The following MICU3 variants were observed in gnomAD, a reference collection of about 807,000 sequenced individuals.
The protein encoded by MICU3 is calcium uptake protein 3, mitochondrial.
Under a neutral mutation model 66.5 loss-of-function variants are expected in MICU3, and 62 were observed. That is an observed-to-expected ratio of 0.93 (90% CI 0.76 to 1.15). The LOEUF is 1.15. MICU3 is among the 50% of genes most tolerant of loss of function. MICU3 has a pLI of 0.00. For synonymous variants in MICU3, 308 were observed against 240.7 expected (o/e 1.28, Z -2.59); for missense variants, 779 against 664.4 (o/e 1.17, Z -1.90).
intron 1 of MICU3, among the ~76,000 whole-genome samples, chr8:17,031,295 A>ATTATTG (rs1812020054): frequency 1.4e-5 from 2 of 147,906 alleles, no homozygotes. Flanking sequence ...TATTATTATT[A>ATTATTG]TTATTATTTT....
At position 17,100,159 on chromosome 8, in the gene MICU3, C is replaced by T. The variant is rs536349107; in HGVS notation, c.984+1606C>T. Among the ~76,000 whole-genome samples the T allele has an allele frequency of 7.9e-5, 12 of 151,568 alleles. No homozygotes were observed. The South Asian group carries it at 1.7e-3, about 21-fold the overall frequency. On this transcript the variant is annotated intron_variant, in intron 9 of 14. Coordinates refer to ENST00000318063, the MANE Select transcript of MICU3 (RefSeq NM_181723.3). The stretch of plus-strand genomic sequence containing the variant: ...ACCCCCTTTGTTACTTGAAAGTGGC[C>T]GTGATAGGAGTATGAATACCACAGA...
intron 1 of MICU3, among the ~76,000 whole-genome samples, chr8:17,039,088 A>T (rs1447139632): frequency 4.6e-5 from 7 of 152,316 alleles, no homozygotes; most frequent in Admixed American, 6.5e-5. Context: ...GCATCAAAAA[A>T]TTTTGATTTG....
rs1802473557 is a variant in MICU3, at chr8:17,114,170, G to T, written c.1335G>T (p.Met445Ile). ...AAGACTTTGCAATAGCCCTGAATATGTATAACTTTGCAAGTCGTTCTATAG... is the reference window on the plus strand; with the variant it reads ...AAGACTTTGCAATAGCCCTGAATATTTATAACTTTGCAAGTCGTTCTATAG... ...NLEDFAIALN[M>I]YNFASRSIGQ... The change falls in exon 12 of 15, where the codon ATG (methionine) becomes ATT (isoleucine). Residue 445 changes from methionine (M) to isoleucine (I), a missense_variant. Coordinates refer to ENST00000318063, the MANE Select transcript of MICU3 (RefSeq NM_181723.3). 1 of 1,610,602 alleles carries T rather than the reference G, an allele frequency of 6.2e-7. No homozygotes were observed. The highest frequency in any genetic ancestry group is 1.3e-5 in the African/African-American group (1 of 74,840).
At chr8:17,053,359 CAG>C (rs1414290571) in intron 1 of MICU3, among the ~76,000 whole-genome samples, 2 of 152,144 alleles carry the variant, frequency 1.3e-5, no homozygotes, top group African/African-American at 2.4e-5. Flanking sequence ...GACCTTAACA[CAG>C]AGTAAATTTT....
At chr8:17,125,311 T>C (rs1803377685), downstream of MICU3, among the ~76,000 whole-genome samples, 1 of 152,168 alleles carries the variant, frequency 6.6e-6, no homozygotes, top group Admixed American at 6.5e-5. Context: ...TTGTTTCATC[T>C]ATTATCTTTT....
At chr8:17,077,917 T>C in intron 4 of MICU3, 56 bp downstream of exon 4, 2 of 1,022,134 alleles carry the variant, frequency 2.0e-6, no homozygotes, top group Non-Finnish European at 2.9e-6. Context: ...ATACTATTTA[T>C]ATATGCATAT....
At chr8:17,066,586 G>A (rs1339139682) in intron 2 of MICU3, among the ~76,000 whole-genome samples, 4 of 136,596 alleles carry the variant, frequency 2.9e-5, no homozygotes, top group African/African-American at 1.1e-4. Context: ...CCTGTCCCCC[G>A]GGCTGGAGTT....
intron 5 of MICU3, 53 bp downstream of exon 5, chr8:17,081,793 A>G (rs1376161810): frequency 1.3e-6 from 1 of 794,824 alleles, no homozygotes; most frequent in Non-Finnish European, 2.1e-6. Context: ...TTTTAAACGA[A>G]TCTTGGAAAG....
At chr8:17,119,382 T>A (rs1297354868) in intron 14 of MICU3, among the ~76,000 whole-genome samples, 1 of 152,166 alleles carries the variant, frequency 6.6e-6, no homozygotes, top group Non-Finnish European at 1.5e-5. Context: ...TTTTCTTTTT[T>A]CTTTCAAAAG....
At chr8:17,066,340 C>T (rs1009024782) in intron 2 of MICU3, among the ~76,000 whole-genome samples, 4 of 151,304 alleles carry the variant, frequency 2.6e-5, no homozygotes, top group Middle Eastern at 3.4e-3. Flanking sequence ...TATTATAAGA[C>T]GACGTAAGAT....
chr8:17,036,018 GTC>G (rs1440880002), intron 1 of MICU3, among the ~76,000 whole-genome samples: 2 of 152,174 alleles, frequency 1.3e-5, no homozygotes, highest in African/African-American at 4.8e-5. Context: ...TGGGTTCTTG[GTC>G]TCACTGACTT....
chr8:17,101,519 T>G (rs894319469), intron 9 of MICU3, among the ~76,000 whole-genome samples: 8 of 151,830 alleles, frequency 5.3e-5, no homozygotes, highest in African/African-American at 1.5e-4. Flanking sequence ...TCTCATAAGA[T>G]TTTGATGCTG....
intron 1 of MICU3, among the ~76,000 whole-genome samples, chr8:17,055,262 A>T (rs1226779538): frequency 6.8e-6 from 1 of 146,672 alleles, no homozygotes; most frequent in African/African-American, 2.8e-5. Context: ...TGTTTCCTGA[A>T]ACAATGATGA....
downstream of MICU3, among the ~76,000 whole-genome samples, chr8:17,122,881 T>C (rs556578517): frequency 6.8e-6 from 1 of 146,852 alleles, no homozygotes; most frequent in South Asian, 2.1e-4. Flanking sequence ...ATTATGGTCA[T>C]TGGTACTGGA....
chr8:17,089,322 T>A (rs986304713), intron 7 of MICU3, among the ~76,000 whole-genome samples: 1 of 152,052 alleles, frequency 6.6e-6, no homozygotes, highest in African/African-American at 2.4e-5. Context: ...ATAATTAGTG[T>A]TAACATTGTT....
At chr8:17,093,211 G>C (rs1800266539) in intron 8 of MICU3, among the ~76,000 whole-genome samples, 1 of 151,874 alleles carries the variant, frequency 6.6e-6, no homozygotes, top group Admixed American at 6.6e-5. Context: ...ATTGCACAGT[G>C]ATGAAAAGAA....
intron 1 of MICU3, among the ~76,000 whole-genome samples, chr8:17,041,927 A>C (rs982068075): frequency 4.6e-5 from 7 of 152,220 alleles, no homozygotes; most frequent in African/African-American, 1.4e-4. Context: ...CGGAGTAACT[A>C]TGATAGAGGT....
At chr8:17,054,112 T>C (rs1478826222) in intron 1 of MICU3, among the ~76,000 whole-genome samples, 2 of 152,214 alleles carry the variant, frequency 1.3e-5, no homozygotes, top group Non-Finnish European at 2.9e-5. Flanking sequence ...CATCTAAAAA[T>C]ACTGCAATGA....
intron 3 of MICU3, among the ~76,000 whole-genome samples, chr8:17,074,067 A>G (rs938581989): frequency 1.4e-5 from 2 of 142,456 alleles, no homozygotes; most frequent in African/African-American, 5.2e-5. Flanking sequence ...TTTTTTTTTT[A>G]TTTTTTATTT....
Sources: gnomAD v4.1 joint callset for allele counts (sites outside exome capture counted in the v4.1 genomes callset) on GRCh38, gnomAD v4.1.1 for gene constraint, MANE v1.5 for transcripts, NCBI Gene and HGNC (gene_info 2026-07-23, HGNC 2026-07-21) for gene names.